DNAH3: variants seen among roughly 807,000 people sequenced by gnomAD.
DNAH3 encodes dynein axonemal heavy chain 3.
In DNAH3, 332 loss-of-function variants were observed where a neutral mutation model predicts 432.5. The observed-to-expected ratio is 0.77, with a 90% CI of 0.70 to 0.84. The LOEUF (loss-of-function observed/expected upper bound fraction) is 0.84, where lower values mean the gene tolerates loss of function less well. DNAH3 is among the 40% of genes least tolerant of loss of function. The pLI is 0.00. For missense variants in DNAH3, 4,861 were observed against 5,114.0 expected, an observed-to-expected ratio of 0.95 and a Z score of 1.51; for synonymous variants, 1,956 against 1,900.2, an observed-to-expected ratio of 1.03 and a Z score of -0.76.
At chr16:21,024,866 T>A (rs1387396483) in intron 38 of DNAH3, among the ~76,000 whole-genome samples, 165 bp from the exon 39 acceptor site, 1 of 152,234 alleles carries the variant, frequency 6.6e-6, no homozygotes, top group Non-Finnish European at 1.5e-5. Context: ...TGTGTTCATC[T>A]GCCCCTTGAT....
intron 53 of DNAH3, among the ~76,000 whole-genome samples, chr16:20,961,729 T>G (rs2084830189): frequency 6.6e-6 from 1 of 150,904 alleles, no homozygotes; most frequent in African/African-American, 2.4e-5. Flanking sequence ...CAAACTTTCT[T>G]TAAGAATTGT....
At chr16:21,158,557 G>A (rs1037751670) in intron 1 of DNAH3, 1 of 152,390 alleles carries the variant, frequency 6.6e-6, no homozygotes, top group East Asian at 1.9e-4. Context: ...GCCTTTGCCG[G>A]ATCCTTCCGG....
At chr16:21,082,752 C>T (rs1044316393) in intron 19 of DNAH3, among the ~76,000 whole-genome samples, 8 of 151,356 alleles carry the variant, frequency 5.3e-5, no homozygotes, top group East Asian at 2.0e-4. Flanking sequence ...CAGCTTGAAC[C>T]GGGAGGTGGA....
intron 20 of DNAH3, among the ~76,000 whole-genome samples, chr16:21,080,419 T>A (rs558207673): frequency 6.6e-6 from 1 of 152,374 alleles, no homozygotes; most frequent in African/African-American, 2.4e-5. Context: ...ATATTATCAT[T>A]TCAATACTAA....
chr16:21,037,839 A>T, exon 34 of DNAH3: 1 of 1,614,194 alleles, frequency 6.2e-7, no homozygotes, highest in South Asian at 1.1e-5. Context: ...GGACACTTTC[A>T]TTCTCCTCTG....
intron 54 of DNAH3, among the ~76,000 whole-genome samples, chr16:20,956,594 A>G (rs918200357): frequency 1.3e-5 from 2 of 152,218 alleles, no homozygotes; most frequent in Non-Finnish European, 2.9e-5. Flanking sequence ...GTCAACATAA[A>G]TAACTTTTTC....
At position 21,120,209 on chromosome 16, in the gene DNAH3, T is replaced by G. The variant is rs576725001; in HGVS notation, c.1699+531A>C. 2.0e-5 allele frequency among the ~76,000 whole-genome samples: 3 copies of G among 150,446 alleles called. No homozygotes were observed. In the Admixed American group the frequency reaches 2.0e-4, roughly 10 times the overall value. On this transcript the variant is annotated intron_variant, in intron 11 of 61. Coordinates refer to ENST00000261383, the Ensembl canonical transcript of DNAH3. Reference sequence around the variant, plus strand: ...CCCTTGAACTTCTGGGCTCAAGCGATCCTCCTGCCTCAGCCTCCTGAGTAG... The same window carrying G: ...CCCTTGAACTTCTGGGCTCAAGCGAGCCTCCTGCCTCAGCCTCCTGAGTAG...
intron 52 of DNAH3, among the ~76,000 whole-genome samples, chr16:20,969,373 CCTTT>C (rs780622109): frequency 9.9e-5 from 15 of 151,882 alleles, no homozygotes; most frequent in Admixed American, 7.2e-4. Flanking sequence ...TCTCTCTGTT[CCTTT>C]CTTTGTCTCT....
chr16:21,072,818 AT>A (rs1353558921), intron 21 of DNAH3, among the ~76,000 whole-genome samples: 1 of 66,762 alleles, frequency 1.5e-5, no homozygotes, highest in Non-Finnish European at 2.9e-5. Flanking sequence ...TCAGCTAATT[AT>A]TATTATTATT....
At chr16:21,008,142 A>T (rs1652768964) in intron 41 of DNAH3, among the ~76,000 whole-genome samples, 1 of 152,190 alleles carries the variant, frequency 6.6e-6, no homozygotes, top group Non-Finnish European at 1.5e-5. Context: ...TTCTTTCAAC[A>T]GAAATATTTT....
intron 40 of DNAH3, 104 bp downstream of exon 40, chr16:21,021,867 C>T (rs928479755): frequency 2.0e-5 from 28 of 1,380,304 alleles, no homozygotes; most frequent in Non-Finnish European, 2.5e-5. Flanking sequence ...CATGCCACTG[C>T]ACTCTAGCCT....
chr16:21,085,211 C>G (rs1299887065), intron 19 of DNAH3, among the ~76,000 whole-genome samples: 1 of 151,846 alleles, frequency 6.6e-6, no homozygotes, highest in Non-Finnish European at 1.5e-5. Context: ...AGACCCCCCC[C>G]ATCTCTATTT....
chr16:20,999,531 C>T (rs187139470), intron 43 of DNAH3, among the ~76,000 whole-genome samples: 26 of 152,254 alleles, frequency 1.7e-4, no homozygotes, highest in Admixed American at 1.6e-3. Context: ...TAGATGAGAA[C>T]GCTACGTGTC....
chr16:21,044,297 AC>A (rs1189003953), intron 31 of DNAH3, among the ~76,000 whole-genome samples: 1 of 149,768 alleles, frequency 6.7e-6, no homozygotes, highest in Non-Finnish European at 1.5e-5. Flanking sequence ...GATTCTTCCT[AC>A]CCATGAGCAT....
intron 7 of DNAH3, among the ~76,000 whole-genome samples, chr16:21,132,317 C>T (rs2092576691): frequency 6.6e-6 from 1 of 152,192 alleles, no homozygotes; most frequent in East Asian, 1.9e-4. Flanking sequence ...TTCGGCCAAT[C>T]AAAGTTAAGT....
chr16:21,055,071 T>C (rs1000778325), intron 27 of DNAH3, among the ~76,000 whole-genome samples: 2 of 151,200 alleles, frequency 1.3e-5, no homozygotes, highest in Non-Finnish European at 2.9e-5. Flanking sequence ...ATGCAACATG[T>C]AATCCTAGAT....
intron 7 of DNAH3, chr16:21,130,240 T>C (rs947654747): frequency 2.6e-5 from 4 of 151,632 alleles, no homozygotes; most frequent in Non-Finnish European, 4.4e-5. Context: ...AGTATATCGG[T>C]AGGATAGAGC....
intron 38 of DNAH3, among the ~76,000 whole-genome samples, chr16:21,026,051 T>C (rs1008202274): frequency 1.2e-4 from 18 of 152,150 alleles, no homozygotes; most frequent in African/African-American, 3.9e-4. Flanking sequence ...AATAACTCGA[T>C]TAACAGGCAT....
At chr16:21,000,817 A>T (rs1003825965) in intron 42 of DNAH3, among the ~76,000 whole-genome samples, 23 of 152,220 alleles carry the variant, frequency 1.5e-4, no homozygotes, top group African/African-American at 5.3e-4. Context: ...CAACCTGCTC[A>T]AGTAACACAG....
Sources: allele counts gnomAD v4.1 joint callset (sites outside exome capture counted in the v4.1 genomes callset), GRCh38; gene constraint gnomAD v4.1.1; transcripts MANE v1.5; gene names NCBI Gene and HGNC (gene_info 2026-07-23, HGNC 2026-07-21).